The following HMGXB4 variants were observed in gnomAD, a reference collection of about 807,000 sequenced individuals.
HMGXB4 encodes HMG-box containing 4.
In HMGXB4, 27 loss-of-function variants were observed where a neutral mutation model predicts 63.9. That is an observed-to-expected ratio of 0.42 (90% confidence interval 0.31 to 0.58). The LOEUF is 0.58. Among genes scored for constraint, HMGXB4 ranks in the 20% least tolerant of loss-of-function variants. The pLI, the probability that HMGXB4 is intolerant of heterozygous loss-of-function variation, is 0.13. For missense variants in HMGXB4, 624 were observed against 700.7 expected, an observed-to-expected ratio of 0.89 and a Z score of 1.24; for synonymous variants, 264 against 265.3, an observed-to-expected ratio of 0.99 and a Z score of 0.05.
chr22:35,265,447 G>C lies in HMGXB4; in HGVS notation c.1059G>C (p.Val353=), dbSNP rs762721652. ...KRSLGLSAVP[V]GEVTVTSGPP... is the part of the protein sequence containing the mutation. ...GTTTAGGACTTTCTGCCGTGCCAGT[G>C]GGAGAGGTCACAGTGACATCTGGCC... is the stretch of plus-strand genomic sequence containing the variant. Residue 353 remains valine, a synonymous_variant, in exon 5 of 11, where the codon GTG becomes GTC. Transcript: ENST00000216106. The C allele has an allele frequency of 1.2e-6, 2 of 1,614,148 alleles. No homozygotes were observed. Among genetic ancestry groups the C allele is most frequent in the South Asian group, 2.2e-5 (2 of 91,076 alleles).
At chr22:35,283,259 G>A (rs1280684552) in intron 5 of HMGXB4, among the ~76,000 whole-genome samples, 1 of 152,172 alleles carries the variant, frequency 6.6e-6, no homozygotes, top group Non-Finnish European at 1.5e-5. Flanking sequence ...TTGGCTTTTG[G>A]GTTTCTGGCT....
the HMGXB4 span, among the ~76,000 whole-genome samples, chr22:35,252,008 A>G: frequency 2.6e-5 from 4 of 152,154 alleles, no homozygotes; most frequent in Non-Finnish European, 4.4e-5. Context: ...TGAGGTCAGG[A>G]GTTAGAGACC....
the HMGXB4 span, among the ~76,000 whole-genome samples, chr22:35,249,101 C>G: frequency 6.6e-6 from 1 of 152,184 alleles, no homozygotes; most frequent in South Asian, 2.1e-4. Flanking sequence ...TTCTGTCACC[C>G]AGGCTGGAGT....
chr22:35,292,311 C>T (rs1303413395), intron 9 of HMGXB4, among the ~76,000 whole-genome samples: 1 of 152,100 alleles, frequency 6.6e-6, no homozygotes, highest in Non-Finnish European at 1.5e-5. Flanking sequence ...AGTAGTGGAG[C>T]CAGGATCTGG....
At chr22:35,262,283 AT>A in intron 1 of HMGXB4, 39 bp from the exon 2 acceptor site, 4 of 1,138,052 alleles carry the variant, frequency 3.5e-6, no homozygotes, top group Non-Finnish European at 5.3e-6. Context: ...CTCCTCAGTG[AT>A]TTCGCATTAC....
chr22:35,282,072 G>A (rs1924275575), intron 5 of HMGXB4, among the ~76,000 whole-genome samples: 1 of 152,318 alleles, frequency 6.6e-6, no homozygotes, highest in African/African-American at 2.4e-5. Context: ...CAACTCTGAA[G>A]TTACGAGACA....
chr22:35,283,912 C>T, intron 5 of HMGXB4, 50 bp from the exon 6 acceptor site: 1 of 1,372,674 alleles, frequency 7.3e-7, no homozygotes, highest in Non-Finnish European at 1.0e-6. Context: ...GGTTACTAAA[C>T]CTGGGTTCTA....
chr22:35,263,741 A>G, intron 3 of HMGXB4, 55 bp from the exon 4 acceptor site: 1 of 1,235,478 alleles, frequency 8.1e-7, no homozygotes, highest in Non-Finnish European at 1.2e-6. Context: ...AAGAGTGGTT[A>G]CAAACTGCAT....
intron 5 of HMGXB4, among the ~76,000 whole-genome samples, chr22:35,279,446 AT>A (rs1569002663): frequency 6.6e-6 from 1 of 151,644 alleles, no homozygotes; most frequent in South Asian, 2.1e-4. Flanking sequence ...GTGTCTTTTT[AT>A]TTTTTTAAGT....
intron 8 of HMGXB4, 113 bp downstream of exon 8, chr22:35,287,565 A>G: frequency 1.4e-6 from 1 of 693,066 alleles, no homozygotes; most frequent in Non-Finnish European, 2.6e-6. Context: ...ATTCCCAGGT[A>G]TTATTACCTG....
chr22:35,248,115 A>G, the HMGXB4 span, among the ~76,000 whole-genome samples: 1 of 152,198 alleles, frequency 6.6e-6, no homozygotes, highest in African/African-American at 2.4e-5. Flanking sequence ...TATTGTATCT[A>G]AACATATCTA....
At chr22:35,278,901 G>A (rs1342742981) in intron 5 of HMGXB4, among the ~76,000 whole-genome samples, 5 of 150,112 alleles carry the variant, frequency 3.3e-5, no homozygotes, top group Non-Finnish European at 4.4e-5. Flanking sequence ...AAAAAAATTA[G>A]CCAGGCATGG....
At chr22:35,287,569 T>A (rs1555889119) in intron 8 of HMGXB4, 117 bp downstream of exon 8, 21 of 680,170 alleles carry the variant, frequency 3.1e-5, no homozygotes, top group South Asian at 6.9e-5. Flanking sequence ...CCAGGTATTA[T>A]TACCTGGGAA....
intron 5 of HMGXB4, among the ~76,000 whole-genome samples, chr22:35,277,108 C>G (rs8141767): frequency 0.52 from 74,828 of 143,538 alleles, 20,750 homozygotes; most frequent in Non-Finnish European, 0.65. Context: ...GGACTCAACT[C>G]GGTTCTCTGC....
chr22:35,287,188 T>C, intron 7 of HMGXB4, 159 bp from the exon 8 acceptor site: 1 of 605,004 alleles, frequency 1.7e-6, no homozygotes, highest in African/African-American at 1.9e-5. Context: ...CTGTCTGAAG[T>C]CAGTTCGGTG....
chr22:35,257,052 C>G (rs1315119791), upstream of HMGXB4, among the ~76,000 whole-genome samples: 2 of 152,184 alleles, frequency 1.3e-5, no homozygotes, highest in Non-Finnish European at 2.9e-5. Flanking sequence ...TGCTGAAGTC[C>G]AAATAAGCAC....
chr22:35,252,494 C>G (rs1439850726), upstream of HMGXB4, among the ~76,000 whole-genome samples: 1 of 152,220 alleles, frequency 6.6e-6, no homozygotes, highest in African/African-American at 2.4e-5. Context: ...GGGCTTGTTT[C>G]ACTTCGAATA....
chr22:35,266,764 C>G (rs1454155945), intron 5 of HMGXB4, among the ~76,000 whole-genome samples: 1 of 152,140 alleles, frequency 6.6e-6, no homozygotes, highest in Non-Finnish European at 1.5e-5. Context: ...AGGTGGATCC[C>G]TTGAGCCCAA....
At chr22:35,261,526 A>T (rs892907384) in intron 1 of HMGXB4, among the ~76,000 whole-genome samples, 1 of 151,688 alleles carries the variant, frequency 6.6e-6, no homozygotes, top group African/African-American at 2.4e-5. Context: ...CTCAAATGCC[A>T]AAAAAGGTTG....
Sources: allele counts gnomAD v4.1 joint callset (sites outside exome capture counted in the v4.1 genomes callset), GRCh38; gene constraint gnomAD v4.1.1; transcripts MANE v1.5; gene names NCBI Gene and HGNC (gene_info 2026-07-23, HGNC 2026-07-21).